DRC1: variants seen among roughly 807,000 people sequenced by gnomAD.
The protein encoded by DRC1 is dynein regulatory complex subunit 1, also known as dynein regulatory complex protein 1.
Under a neutral mutation model 98.7 loss-of-function variants are expected in DRC1, and 74 were observed. The observed-to-expected ratio is 0.75, with a 90% confidence interval of 0.62 to 0.91. The LOEUF (loss-of-function observed/expected upper bound fraction) is 0.91, where lower values mean the gene tolerates loss of function less well. Ranked by LOEUF, DRC1 falls within the 40% of genes least tolerant of loss-of-function variation. The pLI is 0.00. For missense variants in DRC1, 875 were observed against 886.0 expected (o/e 0.99, Z 0.16); for synonymous variants, 336 against 334.1 (o/e 1.01, Z -0.06).
intron 3 of DRC1, among the ~76,000 whole-genome samples, chr2:26,422,567 G>T (rs913148242): frequency 6.6e-6 from 1 of 152,144 alleles, no homozygotes; most frequent in Non-Finnish European, 1.5e-5. Flanking sequence ...CTGATAGCAG[G>T]TCCTCATTTA....
chr2:26,418,574 TTA>T (rs1248755589), intron 2 of DRC1, among the ~76,000 whole-genome samples: 5 of 105,448 alleles, frequency 4.7e-5, no homozygotes, highest in Middle Eastern at 4.2e-3. Flanking sequence ...ATAATATATA[TTA>T]TATATAAATT....
At chr2:26,432,039 G>C (rs777709862) in intron 7 of DRC1, 33 bp downstream of exon 7, 6 of 1,606,840 alleles carry the variant, frequency 3.7e-6, no homozygotes, top group Middle Eastern at 1.7e-4. Context: ...GGGTGCCTGG[G>C]TGGCGGAGCA....
chr2:26,438,208 A>G (rs565685951), intron 7 of DRC1, among the ~76,000 whole-genome samples: 1 of 152,146 alleles, frequency 6.6e-6, no homozygotes, highest in South Asian at 2.1e-4. Flanking sequence ...AATTGTAGAC[A>G]CAGTTTGATT....
intron 3 of DRC1, among the ~76,000 whole-genome samples, chr2:26,421,998 A>G (rs1663160706): frequency 6.6e-6 from 1 of 152,238 alleles, no homozygotes; most frequent in Non-Finnish European, 1.5e-5. Context: ...GGAAACACCC[A>G]TAATTCGTGG....
At position 26,414,338 on chromosome 2, in the gene DRC1, T is replaced by C. The variant is rs1558435734; in HGVS notation, c.156-6T>C. On this transcript the variant is annotated splice_polypyrimidine_tract_variant and splice_region_variant and intron_variant, in intron 1 of 16. Transcript: ENST00000288710. Reference sequence around the variant, plus strand: ...ACTTCATTTTCTCTGCTTTTTTCCATCACAGGGAAGCACTTGGAGAATATT... The same window carrying C: ...ACTTCATTTTCTCTGCTTTTTTCCACCACAGGGAAGCACTTGGAGAATATT... 1 of 1,613,470 alleles carries C rather than the reference T, an allele frequency of 6.2e-7. No individual in the cohort carries two copies. The highest frequency in any genetic ancestry group is 1.7e-5 in the Admixed American group (1 of 59,882).
In DRC1 at chr2:26,456,501, G is replaced by C; in HGVS notation, c.2207G>C (p.Arg736Pro). The change falls in exon 17 of 17, where the codon CGG becomes CCG. Residue 736 changes from arginine to proline, a missense_variant. Physicochemically the swap from Arg to Pro is moderately radical, Grantham distance 103. Transcript: ENST00000288710. ...CAAGTTCCTCCCACTCAGGTGTTGCGGGTACCCACAAAATGAGCTGGACCG... is the reference window on the plus strand; with the variant it reads ...CAAGTTCCTCCCACTCAGGTGTTGCCGGTACCCACAAAATGAGCTGGACCG... ...ELQVPPTQVL[R>P]VPTK 6.2e-7 allele frequency: 1 copy of C among 1,614,082 alleles called. No individual in the cohort carries two copies. The highest frequency in any genetic ancestry group is 1.1e-5 in the South Asian group (1 of 91,060).
intron 9 of DRC1, 46 bp downstream of exon 9, chr2:26,444,402 T>C (rs767958383): frequency 4.4e-6 from 7 of 1,592,462 alleles, no homozygotes; most frequent in Non-Finnish European, 6.0e-6. Context: ...AGCATAGAGG[T>C]GACGGGGATG....
Position 26,429,636 on chromosome 2 carries a change from A to T in DRC1, c.549A>T (p.Lys183Asn). Reference sequence around the variant, plus strand: ...TACATGCTCTTTTCTAGGAGTTAAAAACAAAGGATGACCAGTATGTGAAGG... The same window carrying T: ...TACATGCTCTTTTCTAGGAGTTAAATACAAAGGATGACCAGTATGTGAAGG... ...KLISELQQEL[K>N]TKDDQYVKDL... The change falls in exon 5 of 17, where the codon AAA becomes AAT. Residue 183 changes from lysine (K) to asparagine (N), a missense_variant. Coordinates refer to ENST00000288710, the MANE Select transcript of DRC1 (RefSeq NM_145038.5). 1 of 1,614,046 alleles carries T rather than the reference A, an allele frequency of 6.2e-7. No homozygotes were observed. The highest frequency in any genetic ancestry group is 2.2e-5 in the East Asian group (1 of 44,882).
At position 26,424,254 on chromosome 2, in the gene DRC1, C is replaced by T; in HGVS notation, c.357-17C>T. ...TCTGGAGCTGGGTTGGCATGGCTGG[C>T]ATGTATGTATTTGCAGGATTGAGAA... On this transcript the variant is annotated splice_polypyrimidine_tract_variant and intron_variant, in intron 3 of 16. Transcript: ENST00000288710. 1.9e-6 allele frequency: 3 copies of T among 1,613,380 alleles called. No homozygotes were observed. Among genetic ancestry groups the T allele is most frequent in the South Asian group, 1.1e-5 (1 of 91,008 alleles).
intron 8 of DRC1, among the ~76,000 whole-genome samples, chr2:26,442,425 G>A (rs187461413): frequency 9.9e-4 from 151 of 152,182 alleles, no homozygotes; most frequent in African/African-American, 3.5e-3. Context: ...TTCTTCTTTG[G>A]TTTAAATGAC....
intron 9 of DRC1, 66 bp downstream of exon 9, chr2:26,444,422 C>T: frequency 6.4e-7 from 1 of 1,568,276 alleles, no homozygotes; most frequent in Non-Finnish European, 8.6e-7. Context: ...GGAGTTTGTA[C>T]AAGCTGTGAT....
chr2:26,424,355 G>T lies in DRC1; in HGVS notation c.441G>T (p.Lys147Asn), dbSNP rs1663227697. Residue 147 changes from lysine to asparagine, a missense_variant, in exon 4 of 17, where the codon AAG becomes AAT. Coordinates refer to ENST00000288710, the MANE Select transcript of DRC1 (RefSeq NM_145038.5). Reference sequence around the variant, plus strand: ...CAAAGTGGGAAGAGGGCAAGCAGAAGAGAATTCCCCAAGAGCTGTGGGAAA... The same window carrying T: ...CAAAGTGGGAAGAGGGCAAGCAGAATAGAATTCCCCAAGAGCTGTGGGAAA... The part of the protein sequence containing the change: ...ITSKWEEGKQ[K>N]RIPQELWEML... The T allele has an allele frequency of 6.2e-7, 1 of 1,613,914 alleles. No individual in the cohort carries two copies. The highest frequency in any genetic ancestry group is 8.5e-7 in the Non-Finnish European group (1 of 1,180,000).
intron 2 of DRC1, among the ~76,000 whole-genome samples, chr2:26,418,750 A>C (rs1430983006): frequency 8.9e-5 from 11 of 122,916 alleles, no homozygotes; most frequent in African/African-American, 3.4e-4. Flanking sequence ...ATATAATATA[A>C]ATTATATTTT....
chr2:26,424,564 T>G, intron 4 of DRC1, 110 bp downstream of exon 4: 1 of 1,103,058 alleles, frequency 9.1e-7, no homozygotes, highest in Non-Finnish European at 1.3e-6. Context: ...TTTACTTCAT[T>G]ATTTAGAATG....
chr2:26,448,890 C>A, intron 11 of DRC1, 87 bp downstream of exon 11: 1 of 1,374,374 alleles, frequency 7.3e-7, no homozygotes, highest in South Asian at 1.2e-5. Flanking sequence ...AGCCTGGAGT[C>A]AGGAGTGGGC....
chr2:26,442,010 C>T (rs1296030043), intron 8 of DRC1, among the ~76,000 whole-genome samples: 1 of 152,194 alleles, frequency 6.6e-6, no homozygotes, highest in African/African-American at 2.4e-5. Context: ...AAGTTTATTT[C>T]TCACAGTTCT....
intron 1 of DRC1, among the ~76,000 whole-genome samples, chr2:26,405,987 C>T (rs1257772151): frequency 1.3e-5 from 2 of 152,058 alleles, no homozygotes; most frequent in Admixed American, 6.6e-5. Flanking sequence ...GTTGGGGCCG[C>T]GCATTGTGCG....
intron 4 of DRC1, 26 bp from the exon 5 acceptor site, chr2:26,429,602 C>A: frequency 2.5e-6 from 4 of 1,610,656 alleles, no homozygotes; most frequent in Non-Finnish European, 3.4e-6. Context: ...CAGTTTGTGG[C>A]CAGACTTTTA....
At chr2:26,437,697 A>C (rs1451388706) in intron 7 of DRC1, among the ~76,000 whole-genome samples, 1 of 152,212 alleles carries the variant, frequency 6.6e-6, no homozygotes, top group Admixed American at 6.5e-5. Flanking sequence ...AAAATTATTA[A>C]AAGTATATAT....
Sources: allele counts gnomAD v4.1 joint callset (sites outside exome capture counted in the v4.1 genomes callset), GRCh38; gene constraint gnomAD v4.1.1; transcripts MANE v1.5; gene names NCBI Gene and HGNC (gene_info 2026-07-23, HGNC 2026-07-21).